Variants in CTNNA2 observed in about 807,000 individuals in gnomAD.
CTNNA2 encodes the protein catenin alpha 2, also known as catenin alpha-2.
In CTNNA2, 42 loss-of-function variants were observed where a neutral mutation model predicts 101.0. That is an observed-to-expected ratio of 0.42 (90% confidence interval 0.32 to 0.54). CTNNA2 has a LOEUF of 0.54. Among genes scored for constraint, CTNNA2 ranks in the 20% least tolerant of loss-of-function variants. The pLI, the probability that CTNNA2 is intolerant of heterozygous loss-of-function variation, is 0.14. For missense variants in CTNNA2, 871 were observed against 1,223.1 expected, an observed-to-expected ratio of 0.71 and a Z score of 4.29; for synonymous variants, 450 against 456.4, an observed-to-expected ratio of 0.99 and a Z score of 0.18.
At position 79,994,458 on chromosome 2, in the gene CTNNA2, T is replaced by C. The variant is rs567670964; in HGVS notation, c.1056+84661T>C. ...CCTATCACCTTCAGAGAGTGGCTTT[T>C]TGAAAGCGACCTTGTGGTGATTGCT... On this transcript the variant is annotated intron_variant, in intron 7 of 18. Coordinates refer to ENST00000402739, the MANE Select transcript of CTNNA2 (RefSeq NM_001282597.3). Among the ~76,000 whole-genome samples, 2 of 152,282 alleles carry C rather than the reference T, an allele frequency of 1.3e-5. 1 individual carries two copies. Among genetic ancestry groups the C allele is most frequent in the African/African-American group, 4.8e-5 (2 of 41,564 alleles).
intron 4 of CTNNA2, among the ~76,000 whole-genome samples, chr2:79,451,121 G>C (rs367911296): frequency 2.6e-5 from 4 of 152,090 alleles, no homozygotes; most frequent in African/African-American, 9.7e-5. Flanking sequence ...AATGGTTCCA[G>C]CTGAGAGTTA....
intron 4 of CTNNA2, among the ~76,000 whole-genome samples, chr2:79,377,289 G>A (rs781086819): frequency 5.3e-5 from 8 of 152,070 alleles, no homozygotes; most frequent in South Asian, 4.1e-4. Context: ...CCAACAATAA[G>A]GAAAAGGCAT....
chr2:79,442,929 G>T (rs560140293), intron 4 of CTNNA2, among the ~76,000 whole-genome samples: 1 of 152,122 alleles, frequency 6.6e-6, no homozygotes, highest in Non-Finnish European at 1.5e-5. Context: ...TTACACTTCT[G>T]ATCATCAAAA....
chr2:79,194,238 G>A (rs1324671936), intron 1 of CTNNA2, among the ~76,000 whole-genome samples: 1 of 152,170 alleles, frequency 6.6e-6, no homozygotes, highest in Non-Finnish European at 1.5e-5. Flanking sequence ...GAATAAAACT[G>A]TTGGTGGAGG....
At chr2:80,397,886 A>G (rs923317493) in intron 8 of CTNNA2, among the ~76,000 whole-genome samples, 1 of 152,116 alleles carries the variant, frequency 6.6e-6, no homozygotes. Flanking sequence ...GGTCAACCAT[A>G]TACTAATGCA....
At chr2:79,514,007 C>T (rs1412533735) in intron 1 of CTNNA2, among the ~76,000 whole-genome samples, 1 of 152,144 alleles carries the variant, frequency 6.6e-6, no homozygotes, top group Non-Finnish European at 1.5e-5. Flanking sequence ...TTTGGTTTGA[C>T]ATTTTCAAAC....
chr2:80,022,911 G>A (rs79578715), intron 7 of CTNNA2, among the ~76,000 whole-genome samples: 5 of 152,158 alleles, frequency 3.3e-5, no homozygotes, highest in Non-Finnish European at 5.9e-5. Flanking sequence ...TCTGGGGTCC[G>A]TTGGGAGCTT....
intron 9 of CTNNA2, among the ~76,000 whole-genome samples, chr2:80,420,053 A>C (rs942678477): frequency 4.6e-5 from 7 of 150,682 alleles, no homozygotes; most frequent in Non-Finnish European, 5.9e-5. Flanking sequence ...AAAAAAAAAA[A>C]AAAAAAAAAA....
chr2:80,401,338 C>G (rs916234820), intron 8 of CTNNA2, among the ~76,000 whole-genome samples: 3 of 152,156 alleles, frequency 2.0e-5, no homozygotes, highest in Non-Finnish European at 4.4e-5. Context: ...TCACATGTCT[C>G]TGGTTCCATT....
Position 79,715,205 on chromosome 2 carries a change from CAAA to C in CTNNA2, c.103-29160_103-29158del, listed in dbSNP as rs140432724. Among the ~76,000 whole-genome samples, 389 of 66,296 alleles carry C rather than the reference CAAA, an allele frequency of 5.9e-3. 3 individuals are homozygous for C. The highest frequency in any genetic ancestry group is 0.022 in the African/African-American group (332 of 15,040). The allele number at this position is 66,296 out of a possible 152,430, so 43.5% of individuals were successfully genotyped here. On this transcript the variant is annotated intron_variant, in intron 2 of 18. Transcript: ENST00000402739. ...CTGGGCAACAAGAGCAAAATTCCGT[CAAA>C]AAAAAAAAAAAAAAAAAAAAACCCA... is the stretch of plus-strand genomic sequence containing the variant.
chr2:80,376,866 T>G (rs963273789), intron 7 of CTNNA2, among the ~76,000 whole-genome samples: 1 of 152,196 alleles, frequency 6.6e-6, no homozygotes, highest in South Asian at 2.1e-4. Flanking sequence ...GGGATCTCCC[T>G]CTTTCTGGCA....
chr2:79,669,096 A>G (rs1682647187), intron 2 of CTNNA2, among the ~76,000 whole-genome samples: 1 of 152,244 alleles, frequency 6.6e-6, no homozygotes, highest in South Asian at 2.1e-4. Context: ...AGTTGGAAGC[A>G]TTAGTACATT....
chr2:79,690,470 AT>A (rs1198226399), intron 2 of CTNNA2, among the ~76,000 whole-genome samples: 1 of 151,996 alleles, frequency 6.6e-6, no homozygotes, highest in African/African-American at 2.4e-5. Context: ...ACATGAACTC[AT>A]TCTTTTTTAT....
intron 18 of CTNNA2, among the ~76,000 whole-genome samples, chr2:80,635,306 A>C (rs576555851): frequency 5.3e-4 from 81 of 152,278 alleles, no homozygotes; most frequent in Middle Eastern, 3.4e-3. Flanking sequence ...TATTTTAAAG[A>C]AGACAGAAAA....
At chr2:79,358,450 TC>T (rs1677556655) in intron 3 of CTNNA2, among the ~76,000 whole-genome samples, 1 of 152,162 alleles carries the variant, frequency 6.6e-6, no homozygotes, top group East Asian at 1.9e-4. Context: ...TTCATCTGCC[TC>T]GGCCTCCCAA....
At chr2:79,734,937 A>T (rs1340819250) in intron 2 of CTNNA2, among the ~76,000 whole-genome samples, 1 of 152,176 alleles carries the variant, frequency 6.6e-6, no homozygotes, top group African/African-American at 2.4e-5. Flanking sequence ...GCATCCTATG[A>T]CTTTGTGCAG....
intron 1 of CTNNA2, among the ~76,000 whole-genome samples, chr2:79,567,009 A>C (rs957437217): frequency 4.6e-5 from 7 of 152,230 alleles, no homozygotes; most frequent in African/African-American, 1.7e-4. Flanking sequence ...AGACCCAACA[A>C]ATACACATTT....
intron 7 of CTNNA2, among the ~76,000 whole-genome samples, chr2:80,051,779 C>T (rs1393417832): frequency 3.3e-5 from 5 of 152,114 alleles, no homozygotes; most frequent in Non-Finnish European, 7.3e-5. Context: ...GGCTGCATTT[C>T]AAGCGAAGCC....
At chr2:79,959,189 G>C (rs1689455342) in intron 7 of CTNNA2, among the ~76,000 whole-genome samples, 1 of 151,836 alleles carries the variant, frequency 6.6e-6, no homozygotes, top group African/African-American at 2.4e-5. Context: ...CTGAGTAACT[G>C]GGCCTTTAGC....
Sources: gnomAD v4.1 joint callset for allele counts (sites outside exome capture counted in the v4.1 genomes callset) on GRCh38, gnomAD v4.1.1 for gene constraint, MANE v1.5 for transcripts, NCBI Gene and HGNC (gene_info 2026-07-23, HGNC 2026-07-21) for gene names.